Variants in SUCLG2 observed in about 807,000 individuals in gnomAD.
SUCLG2 encodes succinate-CoA ligase GDP-forming subunit beta.
SUCLG2 carries 42 observed loss-of-function variants against 47.9 expected under a neutral mutation model. The ratio of observed to expected loss-of-function variants is 0.88; its 90% CI spans 0.69 to 1.14. The LOEUF (loss-of-function observed/expected upper bound fraction) is 1.14. SUCLG2 is among the 50% of genes most tolerant of loss of function. The pLI, the probability that SUCLG2 is intolerant of heterozygous loss-of-function variation, is 0.00. For missense variants in SUCLG2, 571 were observed against 525.9 expected, an observed-to-expected ratio of 1.09 and a Z score of -0.84; for synonymous variants, 195 against 197.3, an observed-to-expected ratio of 0.99 and a Z score of 0.10.
rs934311816 is a variant in SUCLG2 at position 67,366,602 on chromosome 3, C to T, written c.1184-5834G>A. ...CTCTATTTTAAAATGGTGTATTCTG[C>T]GACAGTGGTCCTGAAGAGGTTTGGC... is the stretch of plus-strand genomic sequence containing the variant. On this transcript the variant is annotated intron_variant, in intron 10 of 10. Transcript: ENST00000493112. 6.6e-5 allele frequency among the ~76,000 whole-genome samples: 10 copies of T among 152,242 alleles called. No homozygotes were observed. The South Asian group carries it at 1.2e-3, about 19-fold the overall frequency.
At position 67,641,082 on chromosome 3, in the gene SUCLG2, C is replaced by G. The variant is rs946722410; in HGVS notation, c.84+13421G>C. Among the ~76,000 whole-genome samples the G allele has an allele frequency of 7.2e-5, 11 of 152,150 alleles. 1 individual carries two copies. In the South Asian group the frequency reaches 1.0e-3, roughly 14 times the overall value. On this transcript the variant is annotated intron_variant, in intron 1 of 10. Transcript: ENST00000307227. ...CCAAAATTGATACATCTGAACAAGG[C>G]TCTGCATTTATTCCAATCTCTTGCT... is the stretch of plus-strand genomic sequence containing the variant.
At chr3:67,456,540 G>A (rs1027601592) in intron 9 of SUCLG2, among the ~76,000 whole-genome samples, 6 of 152,182 alleles carry the variant, frequency 3.9e-5, no homozygotes, top group African/African-American at 1.4e-4. Flanking sequence ...CATGGTATGT[G>A]AGGGCATAGG....
At chr3:67,571,143 A>G (rs1409320300) in intron 2 of SUCLG2, among the ~76,000 whole-genome samples, 1 of 152,146 alleles carries the variant, frequency 6.6e-6, no homozygotes, top group Admixed American at 6.5e-5. Flanking sequence ...TGGTAATTAC[A>G]GTGATTCTAA....
At chr3:67,552,780 C>G (rs898326019) in intron 2 of SUCLG2, among the ~76,000 whole-genome samples, 1 of 152,188 alleles carries the variant, frequency 6.6e-6, no homozygotes, top group East Asian at 1.9e-4. Context: ...TGCACAATGT[C>G]TGGCAACATT....
rs377271074 is a variant in SUCLG2, at chr3:67,420,692, C to CA, written c.1063-19842dup. Among the ~76,000 whole-genome samples, 29 of 152,110 alleles carry CA rather than the reference C, an allele frequency of 1.9e-4. 2 individuals are homozygous for CA. Among genetic ancestry groups the CA allele is most frequent in the South Asian group, 8.3e-4 (4 of 4,818 alleles). Reference sequence around the variant, plus strand: ...ACATGTAGGAGTCCTTTTCATATTTCAAAAAACAATCCTCCATTAGGCAGC... The same window carrying CA: ...ACATGTAGGAGTCCTTTTCATATTTCAAAAAAACAATCCTCCATTAGGCAGC... On this transcript the variant is annotated intron_variant, in intron 9 of 10. Transcript: ENST00000307227.
At chr3:67,592,024 A>G (rs556430220) in intron 2 of SUCLG2, among the ~76,000 whole-genome samples, 1 of 152,308 alleles carries the variant, frequency 6.6e-6, no homozygotes, top group Non-Finnish European at 1.5e-5. Context: ...CCATACACTG[A>G]TCTGAGTTAT....
At position 67,541,211 on chromosome 3, in the gene SUCLG2, T is replaced by C. The variant is rs150180488; in HGVS notation, c.227-12025A>G. Among the ~76,000 whole-genome samples, 675 of 152,272 alleles carry C rather than the reference T, an allele frequency of 4.4e-3. 8 individuals carry two copies. The East Asian group carries it at 0.054, about 12-fold the overall frequency. ...AAAACTGGATGAAGAATGAGTTTGA[T>C]GAATTGACAGAAGTAGGTTTCAGAA... On this transcript the variant is annotated intron_variant, in intron 2 of 10. Coordinates refer to ENST00000307227, the MANE Select transcript of SUCLG2 (RefSeq NM_003848.4).
At position 67,391,361 on chromosome 3, in the gene SUCLG2, G is replaced by A. The variant is rs578188610; in HGVS notation, c.1183+9370C>T. Among the ~76,000 whole-genome samples the A allele has an allele frequency of 5.3e-5, 8 of 152,050 alleles. No individual in the cohort carries two copies. In the South Asian group the frequency reaches 1.7e-3, roughly 32 times the overall value. ...ATCGTGTCCTTCTTAGCATGGACTC[G>A]GTATGCTAAGAAGGACACAATTTGC... On this transcript the variant is annotated intron_variant, in intron 10 of 10. Transcript: ENST00000307227.
At chr3:67,570,809 C>T (rs1448932760) in intron 2 of SUCLG2, among the ~76,000 whole-genome samples, 1 of 151,880 alleles carries the variant, frequency 6.6e-6, no homozygotes, top group African/African-American at 2.4e-5. Flanking sequence ...ACTTAGTTGT[C>T]TCCTCTTTCT....
At chr3:67,507,418 T>C (rs1223933225) in intron 7 of SUCLG2, among the ~76,000 whole-genome samples, 1 of 152,170 alleles carries the variant, frequency 6.6e-6, no homozygotes, top group Non-Finnish European at 1.5e-5. Context: ...TGTTAGGGAC[T>C]AGCCTATTTT....
chr3:67,525,879 G>A (rs547479558), intron 4 of SUCLG2, among the ~76,000 whole-genome samples: 1 of 152,234 alleles, frequency 6.6e-6, no homozygotes, highest in African/African-American at 2.4e-5. Flanking sequence ...TACTTACAAA[G>A]CACATATCCA....
At chr3:67,653,814 T>C (rs1701330438) in intron 1 of SUCLG2, among the ~76,000 whole-genome samples, 1 of 152,222 alleles carries the variant, frequency 6.6e-6, no homozygotes, top group Admixed American at 6.5e-5. Context: ...GAGGCCAAGT[T>C]CCAATCGCTA....
In SUCLG2 at chr3:67,541,578, T is replaced by C. The variant is rs1019497351; in HGVS notation, c.227-12392A>G. On this transcript the variant is annotated intron_variant, in intron 2 of 10. Transcript: ENST00000307227. ...AACTGACAGGGAGAATGGAACCAAG[T>C]TGGAAAACACTCTTCAGGATGTTAT... Among the ~76,000 whole-genome samples, 3 of 152,324 alleles carry C rather than the reference T, an allele frequency of 2.0e-5. No individual in the cohort carries two copies. In the South Asian group the frequency reaches 6.2e-4, roughly 32 times the overall value.
intron 9 of SUCLG2, among the ~76,000 whole-genome samples, chr3:67,451,571 T>C (rs1704057886): frequency 6.6e-6 from 1 of 152,114 alleles, no homozygotes; most frequent in Non-Finnish European, 1.5e-5. Context: ...TCTGGTGTCT[T>C]GAGTTCTTCA....
At chr3:67,528,791 T>C (rs1212984589) in intron 3 of SUCLG2, among the ~76,000 whole-genome samples, 1 of 152,184 alleles carries the variant, frequency 6.6e-6, no homozygotes, top group Non-Finnish European at 1.5e-5. Flanking sequence ...AGTGACATTA[T>C]GGAAGTAGCA....
Position 67,512,865 on chromosome 3 carries a change from G to A in SUCLG2, c.661-3962C>T, listed in dbSNP as rs538085490. Among the ~76,000 whole-genome samples, 10 of 148,962 alleles carry A rather than the reference G, an allele frequency of 6.7e-5. No individual in the cohort carries two copies. In the South Asian group the frequency reaches 1.7e-3, roughly 25 times the overall value. On this transcript the variant is annotated intron_variant, in intron 6 of 10. Transcript: ENST00000307227. ...TATTCTAGATAGCATCTCTCTCTCTGCCTCTCTCTCCATCTCCATATATAT... is the reference window on the plus strand; with the variant it reads ...TATTCTAGATAGCATCTCTCTCTCTACCTCTCTCTCCATCTCCATATATAT...
chr3:67,434,087 C>T (rs1559524997), intron 9 of SUCLG2, among the ~76,000 whole-genome samples: 1 of 152,174 alleles, frequency 6.6e-6, no homozygotes, highest in African/African-American at 2.4e-5. Flanking sequence ...CCCCAAATCA[C>T]TAAAGTACGA....
In SUCLG2 at chr3:67,369,567, C is replaced by G. The variant is rs114764937; in HGVS notation, c.1184-8799G>C. 5.0e-3 allele frequency among the ~76,000 whole-genome samples: 768 copies of G among 152,230 alleles called. 4 individuals carry two copies. Among genetic ancestry groups the G allele is most frequent in the African/African-American group, 0.018 (728 of 41,532 alleles). Reference sequence around the variant, plus strand: ...ATTGGTGGAAATGTGTTGTGTGTAGCGGGGAGGAAAGGAGAGGGTGGATGG... The same window carrying G: ...ATTGGTGGAAATGTGTTGTGTGTAGGGGGGAGGAAAGGAGAGGGTGGATGG... On this transcript the variant is annotated intron_variant, in intron 10 of 10. Transcript: ENST00000493112.
rs1169881952 is a variant in SUCLG2 at position 67,475,308 on chromosome 3, A to C, written c.1062+20490T>G. Among the ~76,000 whole-genome samples the C allele has an allele frequency of 2.5e-4, 38 of 152,182 alleles. 1 individual carries two copies. The highest frequency in any genetic ancestry group is 2.5e-3 in the Admixed American group (38 of 15,282). The stretch of plus-strand genomic sequence containing the variant: ...ACCAAAGAAAATGTTTTTCATTTGT[A>C]AGAAAACTGAGTGATTTCTCTTCAT... On this transcript the variant is annotated intron_variant, in intron 9 of 10. Coordinates refer to ENST00000307227, the MANE Select transcript of SUCLG2 (RefSeq NM_003848.4).
Sources: allele counts gnomAD v4.1 joint callset (sites outside exome capture counted in the v4.1 genomes callset), GRCh38; gene constraint gnomAD v4.1.1; transcripts MANE v1.5; gene names NCBI Gene and HGNC (gene_info 2026-07-23, HGNC 2026-07-21).